ZC3H18: variants seen among roughly 807,000 people sequenced by gnomAD.
The protein encoded by ZC3H18 is zinc finger CCCH-type containing 18.
ZC3H18 carries 8 observed loss-of-function variants against 106.1 expected under a neutral mutation model. The observed-to-expected ratio is 0.08, with a 90% CI of 0.04 to 0.14. The LOEUF (loss-of-function observed/expected upper bound fraction) is 0.14. Ranked by LOEUF, ZC3H18 falls within the 10% of genes least tolerant of loss-of-function variation. The probability of loss-of-function intolerance (pLI) is 1.00; values close to 1 mark genes in which losing one functional copy is unlikely to be tolerated. For missense variants in ZC3H18, 1,318 were observed against 1,278.4 expected, an observed-to-expected ratio of 1.03 and a Z score of -0.47; for synonymous variants, 635 against 522.1, an observed-to-expected ratio of 1.22 and a Z score of -2.95.
At chr16:88,622,116 GTC>G (rs1597356914) in intron 8 of ZC3H18, 79 bp from the exon 9 acceptor site, 1 of 1,469,556 alleles carries the variant, frequency 6.8e-7, no homozygotes, top group African/African-American at 1.4e-5. Context: ...GAGATCCATA[GTC>G]TCTCCCGCTG....
chr16:88,618,535 G>A (rs1318392840), intron 8 of ZC3H18, among the ~76,000 whole-genome samples: 1 of 152,198 alleles, frequency 6.6e-6, no homozygotes, highest in Admixed American at 6.5e-5. Context: ...TTCTGGACAC[G>A]TGGCCTGTAG....
Position 88,631,784 on chromosome 16 carries a change from T to G in ZC3H18, c.*485T>G. 3.1e-6 allele frequency: 1 copy of G among 318,550 alleles called. No homozygotes were observed. 19.7% of individuals were successfully genotyped at this position (318,550 alleles called of 1,614,324 possible). A position where few individuals can be genotyped will look rare whatever the true frequency, so the allele number is the denominator to read the frequency against. ...TCAGAAATATATCTATATTCTCGAC[T>G]AAAGTCTCATCAGGAAATATTTCCT... is the stretch of plus-strand genomic sequence containing the variant. On this transcript the variant is annotated 3_prime_UTR_variant, in exon 18 of 18. Coordinates refer to ENST00000301011, the MANE Select transcript of ZC3H18 (RefSeq NM_144604.4).
chr16:88,604,034 A>G (rs1904887779), intron 6 of ZC3H18, among the ~76,000 whole-genome samples: 1 of 152,164 alleles, frequency 6.6e-6, no homozygotes, highest in Non-Finnish European at 1.5e-5. Context: ...CACTTTGTTC[A>G]GGTACCATCT....
intron 3 of ZC3H18, among the ~76,000 whole-genome samples, chr16:88,595,141 AACTCCATCTC>A (rs1315469127): frequency 1.3e-5 from 2 of 152,168 alleles, no homozygotes; most frequent in Non-Finnish European, 2.9e-5. Flanking sequence ...ACAAGAACAA[AACTCCATCTC>A]AAAAAAACAA....
chr16:88,621,973 TC>T lies in ZC3H18; in HGVS notation c.1476-220del, dbSNP rs575457362. 3.4e-3 allele frequency among the ~76,000 whole-genome samples: 523 copies of T among 152,230 alleles called. 3 individuals carry two copies. The highest frequency in any genetic ancestry group is 5.4e-3 in the Non-Finnish European group (369 of 68,002). On this transcript the variant is annotated intron_variant, in intron 8 of 17. Coordinates refer to ENST00000301011, the MANE Select transcript of ZC3H18 (RefSeq NM_144604.4). ...TCTGGTTCAGGAGAAATCTGGGTGT[TC>T]CCCTGAGTAACAGACACTGAGCCAA...
intron 3 of ZC3H18, among the ~76,000 whole-genome samples, chr16:88,597,066 A>G (rs1055015664): frequency 3.3e-5 from 5 of 152,132 alleles, no homozygotes; most frequent in African/African-American, 1.2e-4. Context: ...GACTACAGGC[A>G]CCTGCCACCA....
intron 7 of ZC3H18, among the ~76,000 whole-genome samples, chr16:88,610,910 G>T (rs867888967): frequency 9.2e-5 from 14 of 152,232 alleles, no homozygotes; most frequent in African/African-American, 3.1e-4. Flanking sequence ...CAGAATTGCT[G>T]CCCTGAGTTA....
At chr16:88,575,822 T>G (rs943602199) in intron 1 of ZC3H18, among the ~76,000 whole-genome samples, 3 of 151,912 alleles carry the variant, frequency 2.0e-5, no homozygotes, top group African/African-American at 7.3e-5. Flanking sequence ...TAAGCGATCC[T>G]CCTGCGTCAG....
chr16:88,605,960 C>A (rs921846745), intron 6 of ZC3H18, among the ~76,000 whole-genome samples: 2 of 152,220 alleles, frequency 1.3e-5, no homozygotes, highest in Non-Finnish European at 2.9e-5. Context: ...CTGCCCAGAC[C>A]TCTGGGGACG....
At chr16:88,574,626 C>T (rs1036343698) in intron 1 of ZC3H18, among the ~76,000 whole-genome samples, 1 of 151,106 alleles carries the variant, frequency 6.6e-6, no homozygotes, top group African/African-American at 2.4e-5. Context: ...TCTCAGCCTC[C>T]CAAGTAGCTG....
Position 88,611,380 on chromosome 16 carries a change from G to T in ZC3H18, c.1319G>T (p.Arg440Leu), listed in dbSNP as rs17855686. The T allele has an allele frequency of 1.8e-6, 2 of 1,081,756 alleles. No homozygotes were observed. The highest frequency in any genetic ancestry group is 2.8e-6 in the Non-Finnish European group (2 of 718,304). 67.0% of individuals were successfully genotyped at this position (1,081,756 alleles called of 1,614,324 possible). The change falls in exon 8 of 18, where the codon CGC (arginine) becomes CTC (leucine). Residue 440 changes from arginine to leucine, a missense_variant. Around this residue, in one of 6 missense-constraint regions of ZC3H18, gnomAD observed 848 missense variants for 821.7 expected, o/e 1.03. Transcript: ENST00000301011. The part of the protein sequence containing the change: ...RQRERERERE[R>L]ERDKERQRRK... Reference sequence around the variant, plus strand: ...AGGGAGCGCGAGCGAGAGCGGGAGCGCGAGCGCGACAAGGAGCGGCAGCGG... The same window carrying T: ...AGGGAGCGCGAGCGAGAGCGGGAGCTCGAGCGCGACAAGGAGCGGCAGCGG...
At chr16:88,607,264 C>A (rs1027940849) in intron 6 of ZC3H18, among the ~76,000 whole-genome samples, 3 of 152,226 alleles carry the variant, frequency 2.0e-5, no homozygotes, top group Non-Finnish European at 4.4e-5. Flanking sequence ...TGCGATGGCA[C>A]TGGCTTAATT....
In ZC3H18 at chr16:88,586,693, C is replaced by A. The variant is rs757492375; in HGVS notation, c.688+9C>A. 1 of 1,613,152 alleles carries A rather than the reference C, an allele frequency of 6.2e-7. No individual in the cohort carries two copies. The highest frequency in any genetic ancestry group is 8.5e-7 in the Non-Finnish European group (1 of 1,179,762). ...CCGGTTCTTCATGAAAGGTAATTGTCTGCGTGTGAGGCCTTCTCGCAGCCA... is the reference window on the plus strand; with the variant it reads ...CCGGTTCTTCATGAAAGGTAATTGTATGCGTGTGAGGCCTTCTCGCAGCCA... On this transcript the variant is annotated intron_variant, in intron 3 of 17. Coordinates refer to ENST00000301011, the MANE Select transcript of ZC3H18 (RefSeq NM_144604.4).
In ZC3H18 at chr16:88,630,516, G is replaced by A; in HGVS notation, c.2598G>A (p.Leu866=). 1 of 1,613,366 alleles carries A rather than the reference G, an allele frequency of 6.2e-7. No individual in the cohort carries two copies. The highest frequency in any genetic ancestry group is 1.1e-5 in the South Asian group (1 of 90,944). The change falls in exon 17 of 18, where the codon CTG becomes CTA. Residue 866 remains leucine (L), a synonymous_variant. Transcript: ENST00000301011. ...GSRDRKSGGR[L]GSPKPERQRG... ...GGGACCGGAAGTCAGGTGGGAGACT[G>A]GGCTCCCCGAAGCCAGAGCGGCAGA...
intron 1 of ZC3H18, among the ~76,000 whole-genome samples, chr16:88,574,737 C>T (rs1404989310): frequency 7.5e-6 from 1 of 133,874 alleles, no homozygotes; most frequent in Non-Finnish European, 1.6e-5. Flanking sequence ...TGGTCTAGAA[C>T]TCCTGGACTC....
In ZC3H18 at chr16:88,615,586, G is replaced by A. The variant is rs142748572; in HGVS notation, c.1475+4050G>A. ...AATTGCACATTGATTTCTACAAACA[G>A]AACCAGCTGAGTCTGCTTTCCAGAT... On this transcript the variant is annotated intron_variant, in intron 8 of 17. Transcript: ENST00000301011. 2.8e-3 allele frequency among the ~76,000 whole-genome samples: 434 copies of A among 152,346 alleles called. 1 individual carries two copies. The highest frequency in any genetic ancestry group is 9.1e-3 in the African/African-American group (377 of 41,580).
At chr16:88,597,039 G>C (rs945484748) in intron 3 of ZC3H18, among the ~76,000 whole-genome samples, 1 of 152,156 alleles carries the variant, frequency 6.6e-6, no homozygotes, top group African/African-American at 2.4e-5. Flanking sequence ...TCCTGCTTCA[G>C]CCTCCCAAGT....
chr16:88,596,395 AC>A, intron 3 of ZC3H18, among the ~76,000 whole-genome samples: 1 of 152,062 alleles, frequency 6.6e-6, no homozygotes, highest in East Asian at 1.9e-4. Context: ...TAATCCCAGC[AC>A]TTTGGGAGGC....
At chr16:88,574,758 C>T (rs932287394) in intron 1 of ZC3H18, among the ~76,000 whole-genome samples, 1 of 149,748 alleles carries the variant, frequency 6.7e-6, no homozygotes. Flanking sequence ...AAGTGATCCG[C>T]CCACCTCAGC....
Sources: allele counts gnomAD v4.1 joint callset (sites outside exome capture counted in the v4.1 genomes callset), GRCh38; gene constraint gnomAD v4.1.1; regional missense constraint gnomAD v4.1.1; transcripts MANE v1.5; gene names NCBI Gene and HGNC (gene_info 2026-07-23, HGNC 2026-07-21).